PRCP: variants seen among roughly 807,000 people sequenced by gnomAD.
The protein encoded by PRCP is prolylcarboxypeptidase, also known as lysosomal Pro-X carboxypeptidase.
In PRCP, 46 loss-of-function variants were observed where a neutral mutation model predicts 54.2. The observed-to-expected ratio is 0.85, with a 90% CI of 0.67 to 1.09. The LOEUF (loss-of-function observed/expected upper bound fraction) is 1.09. Ranked by LOEUF, PRCP falls within the 50% of genes least tolerant of loss-of-function variation. PRCP has a pLI of 0.00. For missense variants in PRCP, 613 were observed against 596.8 expected, an observed-to-expected ratio of 1.03 and a Z score of -0.28; for synonymous variants, 240 against 212.2, an observed-to-expected ratio of 1.13 and a Z score of -1.14.
intron 8 of PRCP, chr11:82,827,422 G>C (rs552925103): frequency 6.6e-6 from 1 of 152,250 alleles, no homozygotes; most frequent in South Asian, 2.1e-4. Flanking sequence ...GACCTATTCT[G>C]AGTTGATTTT....
chr11:82,899,460 C>T (rs1860200667), intron 1 of PRCP, among the ~76,000 whole-genome samples: 1 of 152,240 alleles, frequency 6.6e-6, no homozygotes, highest in Admixed American at 6.5e-5. Context: ...TTTTCCAAAT[C>T]TTTTCCTATT....
chr11:82,857,872 C>T (rs1444019651), intron 2 of PRCP, among the ~76,000 whole-genome samples: 1 of 152,202 alleles, frequency 6.6e-6, no homozygotes, highest in African/African-American at 2.4e-5. Flanking sequence ...GCATGCCCAC[C>T]TCTGCCTGCC....
At chr11:82,894,797 T>C (rs1181897273) in intron 1 of PRCP, among the ~76,000 whole-genome samples, 1 of 152,232 alleles carries the variant, frequency 6.6e-6, no homozygotes, top group Non-Finnish European at 1.5e-5. Context: ...AAGACAGTGT[T>C]AGATTTACTA....
chr11:82,874,150 C>G (rs1301989570), intron 1 of PRCP, among the ~76,000 whole-genome samples: 1 of 152,164 alleles, frequency 6.6e-6, no homozygotes, highest in Non-Finnish European at 1.5e-5. Context: ...CAAATGTAAC[C>G]AAGTGGCTTC....
chr11:82,828,019 C>G (rs756226332), intron 8 of PRCP: 3 of 152,096 alleles, frequency 2.0e-5, no homozygotes, highest in Admixed American at 6.6e-5. Flanking sequence ...CTATTTAAAT[C>G]AAATTTTTCC....
At chr11:82,837,215 C>G (rs1238821976) in intron 8 of PRCP, 1 of 194,388 alleles carries the variant, frequency 5.1e-6, no homozygotes, top group African/African-American at 2.3e-5. Flanking sequence ...AGCTCCATGC[C>G]AAAGCTAACC....
Position 82,900,387 on chromosome 11 carries a change from G to C in PRCP, c.16C>G (p.Leu6Val). 1 of 1,613,712 alleles carries C rather than the reference G, an allele frequency of 6.2e-7. No homozygotes were observed. Among genetic ancestry groups the C allele is most frequent in the Admixed American group, 1.7e-5 (1 of 60,012 alleles). Residue 6 changes from leucine to valine, a missense_variant, in exon 1 of 9, where the codon CTC (leucine) becomes GTC (valine). By Grantham distance (32) the Leu-to-Val change is conservative. Transcript: ENST00000313010. MGRRA[L>V]LLLLLSFLAP... ...AGAAAAGACAGAAGCAGGAGCAGGA[G>C]GGCTCGGCGGCCCATGGCTCAGGCT...
At chr11:82,898,126 A>G (rs1193685145) in intron 1 of PRCP, among the ~76,000 whole-genome samples, 1 of 152,224 alleles carries the variant, frequency 6.6e-6, no homozygotes, top group Non-Finnish European at 1.5e-5. Context: ...TACATATGTA[A>G]AAGTTTTCCT....
chr11:82,890,449 T>C (rs1377723940), intron 1 of PRCP, among the ~76,000 whole-genome samples: 1 of 152,196 alleles, frequency 6.6e-6, no homozygotes, highest in Non-Finnish European at 1.5e-5. Context: ...GTTTTTTCAT[T>C]AGATCCCATT....
At chr11:82,855,023 A>C (rs747189167) in intron 2 of PRCP, among the ~76,000 whole-genome samples, 8 of 152,236 alleles carry the variant, frequency 5.3e-5, no homozygotes, top group Non-Finnish European at 1.0e-4. Flanking sequence ...AAATCAACTC[A>C]AAATGGATAA....
chr11:82,848,435 C>A (rs1252116847), intron 6 of PRCP, among the ~76,000 whole-genome samples: 1 of 142,778 alleles, frequency 7.0e-6, no homozygotes, highest in East Asian at 2.0e-4. Flanking sequence ...TTATTCCCTT[C>A]TACAGAGGAA....
At chr11:82,895,205 A>C (rs937604284) in intron 1 of PRCP, among the ~76,000 whole-genome samples, 5 of 152,220 alleles carry the variant, frequency 3.3e-5, no homozygotes, top group African/African-American at 9.6e-5. Flanking sequence ...TAGGTAATAT[A>C]ATTATCTCCA....
chr11:82,849,507 A>T (rs1385220634), intron 5 of PRCP, among the ~76,000 whole-genome samples: 1 of 152,244 alleles, frequency 6.6e-6, no homozygotes, highest in Non-Finnish European at 1.5e-5. Flanking sequence ...TTAGTAAAAC[A>T]AATGGATGTA....
intron 1 of PRCP, among the ~76,000 whole-genome samples, chr11:82,897,870 A>G (rs1319970713): frequency 6.6e-6 from 1 of 152,234 alleles, no homozygotes; most frequent in Non-Finnish European, 1.5e-5. Context: ...ATAGAAGGAC[A>G]GCTGGGTCCA....
intron 1 of PRCP, among the ~76,000 whole-genome samples, chr11:82,860,907 G>A (rs1233300682): frequency 6.6e-6 from 1 of 152,132 alleles, no homozygotes; most frequent in Non-Finnish European, 1.5e-5. Context: ...AAGGAAGCAA[G>A]AAAGTGCTCA....
intron 3 of PRCP, among the ~76,000 whole-genome samples, chr11:82,852,559 A>T (rs1032189935): frequency 2.0e-5 from 3 of 152,218 alleles, no homozygotes; most frequent in African/African-American, 7.2e-5. Flanking sequence ...AATATTAGGT[A>T]AATAATAGTA....
intron 8 of PRCP, chr11:82,829,737 C>G (rs1858330427): frequency 6.6e-6 from 1 of 152,102 alleles, no homozygotes; most frequent in Non-Finnish European, 1.5e-5. Flanking sequence ...GCAGACCTGG[C>G]TTAGAAAAGG....
intron 1 of PRCP, among the ~76,000 whole-genome samples, chr11:82,877,828 G>C (rs1236834774): frequency 6.6e-6 from 1 of 152,190 alleles, no homozygotes; most frequent in African/African-American, 2.4e-5. Context: ...GCAATGCCTA[G>C]TGGAGCTATG....
At chr11:82,883,918 A>G (rs1198902544) in intron 1 of PRCP, among the ~76,000 whole-genome samples, 2 of 152,164 alleles carry the variant, frequency 1.3e-5, no homozygotes, top group African/African-American at 2.4e-5. Context: ...TCTAGAGCCA[A>G]TTGTTCAAGA....
Sources: gnomAD v4.1 joint callset for allele counts (sites outside exome capture counted in the v4.1 genomes callset) on GRCh38, gnomAD v4.1.1 for gene constraint, MANE v1.5 for transcripts, NCBI Gene and HGNC (gene_info 2026-07-23, HGNC 2026-07-21) for gene names.